CACNA2D1: variants seen among roughly 807,000 people sequenced by gnomAD.
CACNA2D1 encodes the protein calcium voltage-gated channel auxiliary subunit alpha2delta 1, also known as voltage-dependent calcium channel subunit alpha-2/delta-1.
A neutral mutation model predicts 171.5 loss-of-function variants in CACNA2D1; 53 were observed. The ratio of observed to expected loss-of-function variants is 0.31; its 90% CI spans 0.25 to 0.39. The LOEUF (loss-of-function observed/expected upper bound fraction) is 0.39. CACNA2D1 is among the 10% of genes least tolerant of loss of function. The pLI is 1.00. For missense variants in CACNA2D1, 903 were observed against 1,299.8 expected, an observed-to-expected ratio of 0.69 and a Z score of 4.69; for synonymous variants, 442 against 443.1, an observed-to-expected ratio of 1.00 and a Z score of 0.03.
chr7:82,221,659 G>A (rs1585138995), intron 3 of CACNA2D1, among the ~76,000 whole-genome samples: 2 of 151,448 alleles, frequency 1.3e-5, no homozygotes, highest in African/African-American at 2.4e-5. Context: ...CAGGAGAATC[G>A]CTTGAACCAG....
At chr7:82,174,746 C>T (rs983466586) in intron 3 of CACNA2D1, among the ~76,000 whole-genome samples, 1 of 152,074 alleles carries the variant, frequency 6.6e-6, no homozygotes, top group Non-Finnish European at 1.5e-5. Flanking sequence ...CAACAAAAAT[C>T]ATATTTTAGT....
At chr7:81,955,911 G>T (rs868597692) in intron 38 of CACNA2D1, among the ~76,000 whole-genome samples, 489 of 19,598 alleles carry the variant, frequency 0.025, 22 homozygotes, top group African/African-American at 0.095. Context: ...TTGGTGGGGG[G>T]GGGGGGGGGT....
At chr7:82,201,108 T>G (rs3801714) in intron 3 of CACNA2D1, among the ~76,000 whole-genome samples, 24,718 of 152,134 alleles carry the variant, frequency 0.16, 3,093 homozygotes, top group African/African-American at 0.34. Flanking sequence ...ATAGATGTGA[T>G]ACCACTAGAT....
intron 3 of CACNA2D1, among the ~76,000 whole-genome samples, chr7:82,172,345 AAAATGGCAAAAGGAATGG>A (rs1355602291): frequency 2.0e-5 from 3 of 152,128 alleles, no homozygotes; most frequent in Non-Finnish European, 4.4e-5. Context: ...AAACATGAAT[AAAATGGCAAAAGGAATGG>A]AAATGGAAGC....
intron 7 of CACNA2D1, among the ~76,000 whole-genome samples, chr7:82,077,325 G>A (rs973204078): frequency 1.3e-5 from 2 of 152,094 alleles, no homozygotes; most frequent in Non-Finnish European, 2.9e-5. Context: ...ATTCTGGCCA[G>A]AAACAAATGA....
chr7:82,243,771 G>A (rs918966862), intron 3 of CACNA2D1, among the ~76,000 whole-genome samples: 14 of 152,120 alleles, frequency 9.2e-5, no homozygotes, highest in African/African-American at 2.2e-4. Flanking sequence ...TACATGTAGC[G>A]AATCCCAAAT....
At chr7:82,042,643 A>G (rs948544232) in intron 10 of CACNA2D1, among the ~76,000 whole-genome samples, 1 of 152,102 alleles carries the variant, frequency 6.6e-6, no homozygotes, top group African/African-American at 2.4e-5. Context: ...ATCTGGGGTA[A>G]AAATCCTGGA....
rs558261918 is a variant in CACNA2D1 at position 81,997,162 on chromosome 7, T to A, written c.1662+17A>T. 1 of 1,471,852 alleles carries A rather than the reference T, an allele frequency of 6.8e-7. No individual in the cohort carries two copies. The highest frequency in any genetic ancestry group is 1.4e-5 in the African/African-American group (1 of 72,104). 91.2% of individuals were successfully genotyped at this position (1,471,852 alleles called of 1,614,324 possible). A position where few individuals can be genotyped will look rare whatever the true frequency, so the allele number is the denominator to read the frequency against. On this transcript the variant is annotated intron_variant, in intron 19 of 38. Coordinates refer to ENST00000356860, the MANE Select transcript of CACNA2D1 (RefSeq NM_000722.4). ...ATCTGACCTGAGGAATTGTTTAGTC[T>A]TACTGATTCCACTCACCTCCACTTT...
chr7:81,978,753 G>GTGTGTGTGTATA lies in CACNA2D1; in HGVS notation c.1955+3813_1955+3814insTATACACACACA, dbSNP rs145105210. 7.3e-3 allele frequency among the ~76,000 whole-genome samples: 1,015 copies of GTGTGTGTGTATA among 139,430 alleles called. 13 individuals are homozygous for GTGTGTGTGTATA. Among genetic ancestry groups the GTGTGTGTGTATA allele is most frequent in the African/African-American group, 0.023 (866 of 36,960 alleles). The allele number at this position is 139,430 out of a possible 152,430, so 91.5% of individuals were successfully genotyped here. ...TTAAAGTAAATTTTTTTTAAAAAGT[G>GTGTGTGTGTATA]TATATATATATATATATACACACAC... is the stretch of plus-strand genomic sequence containing the variant. On this transcript the variant is annotated intron_variant, in intron 24 of 38. Coordinates refer to ENST00000356860, the MANE Select transcript of CACNA2D1 (RefSeq NM_000722.4).
At chr7:82,106,485 C>A (rs1175748671) in intron 6 of CACNA2D1, among the ~76,000 whole-genome samples, 1 of 152,098 alleles carries the variant, frequency 6.6e-6, no homozygotes, top group African/African-American at 2.4e-5. Context: ...GAATTTTGCA[C>A]ACATTCTTTT....
At chr7:82,132,584 A>T (rs1157718150) in intron 5 of CACNA2D1, among the ~76,000 whole-genome samples, 1 of 152,166 alleles carries the variant, frequency 6.6e-6, no homozygotes, top group Non-Finnish European at 1.5e-5. Flanking sequence ...ACGCAAAAAG[A>T]ATCATGGATA....
At chr7:82,061,478 A>C (rs1293509728) in intron 9 of CACNA2D1, among the ~76,000 whole-genome samples, 1 of 152,128 alleles carries the variant, frequency 6.6e-6, no homozygotes, top group African/African-American at 2.4e-5. Context: ...ATCCTGACCT[A>C]ATATTTTTAA....
intron 7 of CACNA2D1, among the ~76,000 whole-genome samples, chr7:82,077,983 A>G (rs1809210873): frequency 6.6e-6 from 1 of 152,156 alleles, no homozygotes; most frequent in African/African-American, 2.4e-5. Context: ...AAAAAGTGGT[A>G]CACAATTTAA....
intron 3 of CACNA2D1, among the ~76,000 whole-genome samples, chr7:82,296,954 G>T (rs994958366): frequency 2.6e-5 from 4 of 151,620 alleles, no homozygotes; most frequent in Non-Finnish European, 4.4e-5. Flanking sequence ...ACTCATATTG[G>T]CGGGGAGTGG....
At chr7:82,253,416 G>C (rs1292404907) in intron 3 of CACNA2D1, among the ~76,000 whole-genome samples, 1 of 152,118 alleles carries the variant, frequency 6.6e-6, no homozygotes, top group African/African-American at 2.4e-5. Flanking sequence ...AAGGAACTTT[G>C]TAATTAAGGT....
intron 1 of CACNA2D1, among the ~76,000 whole-genome samples, chr7:82,365,442 C>T (rs1261425776): frequency 2.0e-5 from 3 of 152,052 alleles, no homozygotes; most frequent in South Asian, 2.1e-4. Flanking sequence ...TATTTTTATT[C>T]AGAAGAAAGT....
chr7:81,980,319 C>T (rs1198683218), intron 24 of CACNA2D1, among the ~76,000 whole-genome samples: 2 of 151,322 alleles, frequency 1.3e-5, no homozygotes, highest in Non-Finnish European at 2.9e-5. Flanking sequence ...CCCATAAATT[C>T]TATGACACGA....
intron 1 of CACNA2D1, among the ~76,000 whole-genome samples, chr7:82,387,996 T>A (rs1466042563): frequency 6.8e-6 from 1 of 148,050 alleles, no homozygotes; most frequent in East Asian, 2.0e-4. Flanking sequence ...GAAGGGAAGA[T>A]CACTTAAGCC....
chr7:82,023,722 A>G, intron 12 of CACNA2D1: 1 of 151,768 alleles, frequency 6.6e-6, no homozygotes, highest in Admixed American at 6.6e-5. Context: ...TGTACAATGT[A>G]TTACGGCTGA....
Sources: gnomAD v4.1 joint callset for allele counts (sites outside exome capture counted in the v4.1 genomes callset) on GRCh38, gnomAD v4.1.1 for gene constraint, MANE v1.5 for transcripts, NCBI Gene and HGNC (gene_info 2026-07-23, HGNC 2026-07-21) for gene names.